SLC5A9: variants seen among roughly 807,000 people sequenced by gnomAD.
The protein encoded by SLC5A9 is solute carrier family 5 member 9.
In SLC5A9, 59 loss-of-function variants were observed where a neutral mutation model predicts 70.9. The ratio of observed to expected loss-of-function variants is 0.83; its 90% CI spans 0.68 to 1.03. The LOEUF (loss-of-function observed/expected upper bound fraction) is 1.03. Among genes scored for constraint, SLC5A9 ranks in the 50% least tolerant of loss-of-function variants. SLC5A9 has a pLI of 0.00. For missense variants in SLC5A9, 832 were observed against 881.1 expected, an observed-to-expected ratio of 0.94 and a Z score of 0.71; for synonymous variants, 340 against 346.5, an observed-to-expected ratio of 0.98 and a Z score of 0.21.
chr1:48,236,451 G>A (rs529691596), intron 10 of SLC5A9, among the ~76,000 whole-genome samples: 3 of 152,334 alleles, frequency 2.0e-5, no homozygotes, highest in Non-Finnish European at 4.4e-5. Flanking sequence ...ATGATGCAGA[G>A]CCTTGGACAC....
intron 2 of SLC5A9, chr1:48,228,499 C>T (rs1357738665): frequency 8.6e-6 from 2 of 232,190 alleles, no homozygotes; most frequent in Non-Finnish European, 1.7e-5. Context: ...CTATCCCCTT[C>T]AGCTTCCTTC....
chr1:48,237,245 G>A (rs924606952), intron 10 of SLC5A9, among the ~76,000 whole-genome samples: 11 of 151,556 alleles, frequency 7.3e-5, no homozygotes, highest in Non-Finnish European at 2.9e-5. Flanking sequence ...ATCAGCGCGT[G>A]GAGGAAGGAG....
chr1:48,229,289 T>C lies in SLC5A9; in HGVS notation c.340-6T>C. 1 of 1,614,010 alleles carries C rather than the reference T, an allele frequency of 6.2e-7. No homozygotes were observed. The highest frequency in any genetic ancestry group is 1.1e-5 in the South Asian group (1 of 91,068). ...GGATACCTTCTTCTTCTCCCCACTC[T>C]CCCAGGCAACCTGGCTGCTCCTGGC... On this transcript the variant is annotated splice_region_variant and splice_polypyrimidine_tract_variant and intron_variant, in intron 3 of 13. Transcript: ENST00000438567.
In SLC5A9 at chr1:48,247,466, C is replaced by T; in HGVS notation, c.1969C>T (p.Leu657Phe). ...GCTGACAAGCATTGAGGAGGAGCCA[C>T]TCTGGAGACATGTCTGCAACATCAA... Reference protein sequence around the residue: ...QKLTSIEEEPLWRHVCNINAV... With the variant: ...QKLTSIEEEPFWRHVCNINAV... Residue 657 changes from leucine to phenylalanine, a missense_variant, in exon 14 of 14, where the codon CTC becomes TTC. Coordinates refer to ENST00000438567, the MANE Select transcript of SLC5A9 (RefSeq NM_001011547.3). The T allele has an allele frequency of 6.2e-7, 1 of 1,614,204 alleles. No homozygotes were observed. Among genetic ancestry groups the T allele is most frequent in the Non-Finnish European group, 8.5e-7 (1 of 1,180,042 alleles).
intron 13 of SLC5A9, among the ~76,000 whole-genome samples, chr1:48,244,197 T>C (rs77571902): frequency 0.034 from 5,172 of 152,270 alleles, 293 homozygotes; most frequent in African/African-American, 0.12. Context: ...TTTCTCTCAT[T>C]GGATTGGCCA....
chr1:48,240,904 T>A (rs1296541985), intron 12 of SLC5A9, among the ~76,000 whole-genome samples: 3 of 152,188 alleles, frequency 2.0e-5, no homozygotes, highest in African/African-American at 7.2e-5. Flanking sequence ...ACTGATAACA[T>A]CTTATTGCTA....
chr1:48,223,053 TCTC>T (rs1378063426), intron 1 of SLC5A9, among the ~76,000 whole-genome samples, 155 bp downstream of exon 1: 2 of 152,044 alleles, frequency 1.3e-5, no homozygotes, highest in South Asian at 2.1e-4. Context: ...AGGCTCCTGA[TCTC>T]CTCATTTTTA....
intron 2 of SLC5A9, among the ~76,000 whole-genome samples, chr1:48,227,566 CAGAG>C (rs1644181107): frequency 1.9e-5 from 2 of 106,300 alleles, no homozygotes; most frequent in Non-Finnish European, 3.9e-5. Context: ...GCATGTGTGT[CAGAG>C]TGTGTGTGTG....
Position 48,247,387 on chromosome 1 carries a change from T to C in SLC5A9, c.1890T>C (p.Ser630=). ...TCTGGAGCTGGTTCTGTGGGCTCTC[T>C]GGAACACCGGAGCAGGCCCTGAGCC... is the stretch of plus-strand genomic sequence containing the variant. ...KLLWSWFCGL[S]GTPEQALSPA... The change falls in exon 14 of 14, where the codon TCT becomes TCC. Residue 630 remains serine, a synonymous_variant. Coordinates refer to ENST00000438567, the MANE Select transcript of SLC5A9 (RefSeq NM_001011547.3). 1 of 1,614,154 alleles carries C rather than the reference T, an allele frequency of 6.2e-7. No homozygotes were observed. Among genetic ancestry groups the C allele is most frequent in the Non-Finnish European group, 8.5e-7 (1 of 1,180,040 alleles).
intron 13 of SLC5A9, 93 bp downstream of exon 13, chr1:48,242,709 G>A: frequency 8.0e-7 from 1 of 1,242,372 alleles, no homozygotes; most frequent in Non-Finnish European, 1.1e-6. Flanking sequence ...GACTCTGAGG[G>A]AGCCCAATAA....
rs776268093 is a variant in SLC5A9, at chr1:48,231,604, G to T, written c.670G>T (p.Ala224Ser). 1 of 1,614,160 alleles carries T rather than the reference G, an allele frequency of 6.2e-7. No homozygotes were observed. The highest frequency in any genetic ancestry group is 1.1e-5 in the South Asian group (1 of 91,078). The change falls in exon 6 of 14, where the codon GCC becomes TCC. Residue 224 changes from alanine (A) to serine (S), a missense_variant. Transcript: ENST00000438567. ...ALQTVIMVGGALVLMFLGFQD... is the reference protein window; with the variant it reads ...ALQTVIMVGGSLVLMFLGFQD... ...GCAGACGGTGATCATGGTAGGGGGA[G>T]CCCTGGTCCTCATGTTTCTGGGTAA...
chr1:48,246,483 T>C (rs927455240), intron 13 of SLC5A9, among the ~76,000 whole-genome samples: 1 of 152,206 alleles, frequency 6.6e-6, no homozygotes, highest in Non-Finnish European at 1.5e-5. Context: ...TGAAAGGATT[T>C]TTATATTAAT....
chr1:48,227,985 C>T (rs1644189376), intron 2 of SLC5A9: 1 of 152,250 alleles, frequency 6.6e-6, no homozygotes, highest in East Asian at 1.9e-4. Context: ...CTCCTTAAGC[C>T]TCCTCCCAGG....
In SLC5A9 at chr1:48,237,724, C is replaced by T; in HGVS notation, c.1338C>T (p.Pro446=). 1.2e-6 allele frequency: 2 copies of T among 1,614,104 alleles called. No homozygotes were observed. The highest frequency in any genetic ancestry group is 1.7e-6 in the Non-Finnish European group (2 of 1,180,028). Residue 446 remains proline, a synonymous_variant, in exon 11 of 14, where the codon CCC becomes CCT. Coordinates refer to ENST00000438567, the MANE Select transcript of SLC5A9 (RefSeq NM_001011547.3). ...TTGTCATCAGCATCCTCTGGATCCC[C>T]ATCATCCAAAGCTCCAACAGTGGGC... ...FLVVISILWI[P]IIQSSNSGQL...
At chr1:48,230,134 C>A (rs1644226405) in intron 4 of SLC5A9, among the ~76,000 whole-genome samples, 1 of 152,222 alleles carries the variant, frequency 6.6e-6, no homozygotes, top group African/African-American at 2.4e-5. Flanking sequence ...ATGTAGATGA[C>A]CCAGACCCAT....
intron 2 of SLC5A9, among the ~76,000 whole-genome samples, chr1:48,226,275 C>T (rs1356881677): frequency 2.6e-5 from 4 of 152,204 alleles, no homozygotes; most frequent in African/African-American, 9.7e-5. Flanking sequence ...AGAGCAGGTT[C>T]CTCTGACCAC....
Position 48,224,785 on chromosome 1 carries a change from GC to G in SLC5A9, c.225del (p.Trp76GlyfsTer8), listed in dbSNP as rs1314872904. The G allele has an allele frequency of 5.6e-6, 9 of 1,613,954 alleles. No homozygotes were observed. The highest frequency in any genetic ancestry group is 7.6e-6 in the Non-Finnish European group (9 of 1,180,012). Reference protein sequence around the residue: ...GGYFLAGRSMSWWPIGASLMS... With the variant: ...GGYFLAGRSMXWWPIGASLMS... ...TATTTCCTGGCCGGGAGGTCCATGA[GC>G]TGGTGGCCAGTGAGTTGACCCTTCT... On this transcript the variant is annotated frameshift_variant, in exon 2 of 14. Transcript: ENST00000438567. LOFTEE classifies it high-confidence loss of function.
chr1:48,245,307 A>G (rs926432697), intron 13 of SLC5A9, among the ~76,000 whole-genome samples: 3 of 152,048 alleles, frequency 2.0e-5, no homozygotes, highest in Non-Finnish European at 2.9e-5. Flanking sequence ...GAAACCCAGA[A>G]CTAGACAGAC....
intron 13 of SLC5A9, among the ~76,000 whole-genome samples, chr1:48,246,374 C>A (rs1644460286): frequency 1.3e-5 from 2 of 152,166 alleles, no homozygotes; most frequent in South Asian, 4.1e-4. Context: ...AAGGTTCTTG[C>A]ATCTCTGACA....
Sources: gnomAD v4.1 joint callset for allele counts (sites outside exome capture counted in the v4.1 genomes callset) on GRCh38, gnomAD v4.1.1 for gene constraint, MANE v1.5 for transcripts, NCBI Gene and HGNC (gene_info 2026-07-23, HGNC 2026-07-21) for gene names.